SKI: variants seen among roughly 807,000 people sequenced by gnomAD.
The protein encoded by SKI is ski oncogene.
SKI carries 23 observed loss-of-function variants against 59.3 expected under a neutral mutation model. That is an observed-to-expected ratio of 0.39 (90% CI 0.28 to 0.55). SKI has a LOEUF of 0.55. Among genes scored for constraint, SKI ranks in the 20% least tolerant of loss-of-function variants. SKI has a pLI of 0.67. For synonymous variants in SKI, 673 were observed against 488.6 expected (o/e 1.38, Z -4.98); for missense variants, 1,017 against 1,038.9 (o/e 0.98, Z 0.29).
intron 1 of SKI, among the ~76,000 whole-genome samples, chr1:2,300,855 G>A (rs190715209): frequency 2.6e-5 from 4 of 152,206 alleles, no homozygotes; most frequent in East Asian, 3.9e-4. Context: ...CAGGGTCCTC[G>A]GCCACCCCCC....
intron 1 of SKI, among the ~76,000 whole-genome samples, chr1:2,274,461 C>T (rs1306289068): frequency 6.6e-6 from 1 of 152,164 alleles, no homozygotes; most frequent in Non-Finnish European, 1.5e-5. Flanking sequence ...CTGCCTCTCG[C>T]TCGCTCCACC....
At chr1:2,276,711 G>C (rs556307118) in intron 1 of SKI, among the ~76,000 whole-genome samples, 2 of 152,350 alleles carry the variant, frequency 1.3e-5, no homozygotes, top group South Asian at 4.1e-4. Context: ...CACCAAGAGG[G>C]GTACAGTGGC....
chr1:2,237,298 G>A (rs1340849979), intron 1 of SKI, among the ~76,000 whole-genome samples: 3 of 152,192 alleles, frequency 2.0e-5, no homozygotes, highest in Middle Eastern at 3.2e-3. Flanking sequence ...CTCTGTCCAC[G>A]CCCTGTGTGT....
At chr1:2,251,140 T>TCTCCTCCCGCCTGC (rs1553193243) in intron 1 of SKI, among the ~76,000 whole-genome samples, 1 of 152,110 alleles carries the variant, frequency 6.6e-6, no homozygotes. Context: ...GTCTCGCCTT[T>TCTCCTCCCGCCTGC]CTCCTCCCGC....
chr1:2,229,831 GCTT>G lies in SKI; in HGVS notation c.969+99_969+101del. 6.5e-7 allele frequency: 1 copy of G among 1,539,194 alleles called. No homozygotes were observed. Among genetic ancestry groups the G allele is most frequent in the South Asian group, 1.2e-5 (1 of 82,884 alleles). On this transcript the variant is annotated intron_variant, in intron 1 of 6. Coordinates refer to ENST00000378536, the MANE Select transcript of SKI (RefSeq NM_003036.4). The surrounding 1 kb of genome is among the most constrained non-coding windows in gnomAD (Gnocchi z 6.3). ...CTGGTCTCCGAAGGCTGGGACCTGT[GCTT>G]CTGCCGTGCCCCATGTCTCCAGTCT...
At chr1:2,240,506 T>G (rs1569693481) in intron 1 of SKI, 2 of 985,196 alleles carry the variant, frequency 2.0e-6, no homozygotes, top group Non-Finnish European at 2.4e-6. Flanking sequence ...TGGTGGCGGG[T>G]GGTGGCTGGT....
At position 2,306,238 on chromosome 1, in the gene SKI, G is replaced by A. The variant is rs1259272769; in HGVS notation, c.1986G>A (p.Lys662=). The stretch of plus-strand genomic sequence containing the variant: ...GCGAGGCGGGCCGCCTGCGCGCCAA[G>A]TACTCGGCCCAGGTATGCGGGTGGG... ...KGCEAGRLRA[K]YSAQIEDLQV... is the part of the protein sequence containing the mutation. Residue 662 remains lysine (K), a synonymous_variant, in exon 6 of 7, where the codon AAG becomes AAA. Coordinates refer to ENST00000378536, the MANE Select transcript of SKI (RefSeq NM_003036.4). 3 of 1,555,566 alleles carry A rather than the reference G, an allele frequency of 1.9e-6. No homozygotes were observed. The highest frequency in any genetic ancestry group is 4.8e-5 in the East Asian group (2 of 41,486).
chr1:2,291,721 G>A (rs1640166946), intron 1 of SKI, among the ~76,000 whole-genome samples: 1 of 152,084 alleles, frequency 6.6e-6, no homozygotes, highest in Admixed American at 6.6e-5. Flanking sequence ...GGCCCCCTGG[G>A]GCATGAGGAA....
At chr1:2,296,168 C>A (rs1279748527) in intron 1 of SKI, among the ~76,000 whole-genome samples, 1 of 149,772 alleles carries the variant, frequency 6.7e-6, no homozygotes. Context: ...TGCATGAGTT[C>A]AGGAGTTCAG....
At chr1:2,277,744 C>T (rs1639775506) in intron 1 of SKI, among the ~76,000 whole-genome samples, 1 of 150,132 alleles carries the variant, frequency 6.7e-6, no homozygotes, top group Non-Finnish European at 1.5e-5. Context: ...CACCTGCACT[C>T]ACACATTCAT....
intron 1 of SKI, among the ~76,000 whole-genome samples, chr1:2,253,622 G>A (rs1399443392): frequency 6.6e-6 from 1 of 152,228 alleles, no homozygotes; most frequent in Admixed American, 6.5e-5. Flanking sequence ...CATCTTCCCA[G>A]CGCGTGTGCA....
chr1:2,256,689 C>A (rs568122064), intron 1 of SKI, among the ~76,000 whole-genome samples: 1 of 152,242 alleles, frequency 6.6e-6, no homozygotes, highest in South Asian at 2.1e-4. Flanking sequence ...CACTTGTCGG[C>A]GCTCCTCAGC....
intron 1 of SKI, among the ~76,000 whole-genome samples, chr1:2,246,878 C>T (rs1213095188): frequency 6.6e-6 from 1 of 152,130 alleles, no homozygotes; most frequent in Non-Finnish European, 1.5e-5. Flanking sequence ...GAACCTCCAC[C>T]TCGCCCACTG....
At chr1:2,275,574 C>T (rs545922189) in intron 1 of SKI, among the ~76,000 whole-genome samples, 71 of 152,136 alleles carry the variant, frequency 4.7e-4, no homozygotes, top group African/African-American at 1.5e-3. Context: ...AGTGCAGTGG[C>T]GCGATCTCGG....
chr1:2,269,690 A>G lies in SKI; in HGVS notation c.970-33288A>G, dbSNP rs922732159. 1.2e-4 allele frequency among the ~76,000 whole-genome samples: 19 copies of G among 152,240 alleles called. No homozygotes were observed. The highest frequency in any genetic ancestry group is 1.8e-4 in the Non-Finnish European group (12 of 68,048). ...GGTTGCTGTTAAGCCAGCCTTGGGC[A>G]CCAGGGACAGTGGGGACGTGGCTGT... On this transcript the variant is annotated intron_variant, in intron 1 of 6. Transcript: ENST00000378536. The surrounding 1 kb of genome is among the most constrained non-coding windows in gnomAD (Gnocchi z 4.7).
At position 2,303,975 on chromosome 1, in the gene SKI, C is replaced by G. The variant is rs202214883; in HGVS notation, c.1347C>G (p.Cys449Trp). ...GGGCCCCCGAGCCTCTCGCCACTTG[C>G]ACCCAGCCTCGGAAGCGGAAGCTGA... ...VSRAPEPLAT[C>W]TQPRKRKLTV... is the part of the protein sequence containing the mutation. The change falls in exon 4 of 7, where the codon TGC (cysteine) becomes TGG (tryptophan). Residue 449 changes from cysteine to tryptophan, a missense_variant. Transcript: ENST00000378536. The surrounding 1 kb of genome is among the most constrained non-coding windows in gnomAD (Gnocchi z 5.6). The G allele has an allele frequency of 1.7e-5, 27 of 1,612,350 alleles. No individual in the cohort carries two copies. The South Asian group carries it at 2.0e-4, about 12-fold the overall frequency.
intron 1 of SKI, among the ~76,000 whole-genome samples, chr1:2,249,229 G>A (rs564806608): frequency 6.6e-6 from 1 of 152,366 alleles, no homozygotes; most frequent in East Asian, 1.9e-4. Flanking sequence ...TCCCATTGTG[G>A]TTGGGTCCAC....
At chr1:2,276,856 G>A (rs1639754150) in intron 1 of SKI, among the ~76,000 whole-genome samples, 1 of 152,204 alleles carries the variant, frequency 6.6e-6, no homozygotes, top group Admixed American at 6.5e-5. Context: ...GAACGCCTCT[G>A]TTGAGGTTTT....
intron 1 of SKI, among the ~76,000 whole-genome samples, chr1:2,277,730 C>T (rs1463369900): frequency 1.3e-5 from 2 of 150,614 alleles, no homozygotes; most frequent in Non-Finnish European, 3.0e-5. Context: ...CCTGTGGGTG[C>T]ACACACCTGC....
Sources: allele counts gnomAD v4.1 joint callset (sites outside exome capture counted in the v4.1 genomes callset), GRCh38; gene constraint gnomAD v4.1.1; non-coding constraint Gnocchi (gnomAD v3.1); transcripts MANE v1.5; gene names NCBI Gene and HGNC (gene_info 2026-07-23, HGNC 2026-07-21).